MTHFSD: variants seen among roughly 807,000 people sequenced by gnomAD.
MTHFSD encodes methenyltetrahydrofolate synthase domain-containing protein.
Under a neutral mutation model 31.1 loss-of-function variants are expected in MTHFSD, and 37 were observed. The ratio of observed to expected loss-of-function variants is 1.19; its 90% CI spans 0.91 to 1.56. The LOEUF is 1.56. Ranked by LOEUF, MTHFSD falls within the 40% of genes most tolerant of loss-of-function variation. MTHFSD has a pLI of 0.00. For synonymous variants in MTHFSD, 221 were observed against 206.9 expected (o/e 1.07, Z -0.59); for missense variants, 664 against 510.1 (o/e 1.30, Z -2.91).
chr16:86,541,011 T>C (rs541427014), intron 7 of MTHFSD: 1 of 1,172,038 alleles, frequency 8.5e-7, no homozygotes, highest in African/African-American at 1.6e-5. Context: ...GTGAATGATT[T>C]GGGATTAAAG....
Position 86,531,808 on chromosome 16 carries a change from A to C in MTHFSD, c.*203T>G. 2.4e-6 allele frequency: 1 copy of C among 420,944 alleles called. No homozygotes were observed. Among genetic ancestry groups the C allele is most frequent in the South Asian group, 7.2e-5 (1 of 13,846 alleles). The allele number at this position is 420,944 out of a possible 1,614,324, so 26.1% of individuals were successfully genotyped here. ...GGCTGCAGTCTCTGCGCGCTGTGAG[A>C]TGAACCGCAGGGCGGCTTCCCCACT... On this transcript the variant is annotated 3_prime_UTR_variant, in exon 8 of 8. Coordinates refer to ENST00000360900, the MANE Select transcript of MTHFSD (RefSeq NM_001159377.2). This position sits in a 1 kb window ranked among gnomAD's most constrained non-coding sequence, Gnocchi z 5.5.
chr16:86,542,245 G>A lies in MTHFSD; in HGVS notation c.443-32C>T. 1 of 1,561,552 alleles carries A rather than the reference G, an allele frequency of 6.4e-7. No individual in the cohort carries two copies. The highest frequency in any genetic ancestry group is 8.8e-7 in the Non-Finnish European group (1 of 1,138,824). Reference sequence around the variant, plus strand: ...GACAACCGAGAATCAGTATCGCTGTGCGGTCCGGGGCATCGCTGAGAAGTG... The same window carrying A: ...GACAACCGAGAATCAGTATCGCTGTACGGTCCGGGGCATCGCTGAGAAGTG... On this transcript the variant is annotated intron_variant, in intron 5 of 7. Coordinates refer to ENST00000360900, the MANE Select transcript of MTHFSD (RefSeq NM_001159377.2). This position sits in a 1 kb window ranked among gnomAD's most constrained non-coding sequence, Gnocchi z 4.6.
At position 86,542,503 on chromosome 16, in the gene MTHFSD, T is replaced by A. The variant is rs1292165038; in HGVS notation, c.443-290A>T. 3.0e-6 allele frequency: 1 copy of A among 337,402 alleles called. No individual in the cohort carries two copies. Among genetic ancestry groups the A allele is most frequent in the African/African-American group, 2.1e-5 (1 of 46,902 alleles). 20.9% of individuals were successfully genotyped at this position (337,402 alleles called of 1,614,324 possible). On this transcript the variant is annotated intron_variant, in intron 5 of 7. Transcript: ENST00000360900. The surrounding 1 kb of genome is among the most constrained non-coding windows in gnomAD (Gnocchi z 4.6). ...CAAAGGGAAACAGATCACACTCATG[T>A]CAGCTTTATGTTAGCAAGACTCATA... is the stretch of plus-strand genomic sequence containing the variant.
At chr16:86,537,991 G>A (rs183952692) in intron 7 of MTHFSD, among the ~76,000 whole-genome samples, 145 of 152,330 alleles carry the variant, frequency 9.5e-4, no homozygotes, top group South Asian at 3.5e-3. Flanking sequence ...AGCACAGGAC[G>A]GGTGAGAAGA....
chr16:86,551,993 G>C, intron 3 of MTHFSD, 40 bp downstream of exon 3: 2 of 1,612,276 alleles, frequency 1.2e-6, no homozygotes, highest in African/African-American at 2.7e-5. Flanking sequence ...TGTCCCCCTT[G>C]GCGGCCAGGT....
chr16:86,550,762 A>C (rs1387985060), intron 3 of MTHFSD, among the ~76,000 whole-genome samples: 3 of 152,208 alleles, frequency 2.0e-5, no homozygotes, highest in Non-Finnish European at 4.4e-5. Context: ...AACTGGGAAA[A>C]TAAGGCTGAC....
rs1243695464 is a variant in MTHFSD, at chr16:86,541,819, C to T, written c.559G>A (p.Val187Met). The change falls in exon 7 of 8, where the codon GTG becomes ATG. Residue 187 changes from valine to methionine, a missense_variant. Val to Met is a conservative substitution (Grantham distance 21, BLOSUM62 1). Transcript: ENST00000360900. Reference protein sequence around the residue: ...VVTIVHDCQVVDIPEELVEEH... With the variant: ...VVTIVHDCQVMDIPEELVEEH... Reference sequence around the variant, plus strand: ...TCAACAAGCTCTTCAGGGATGTCCACGACCTGGGGGAAGAGAGGAGGGATA... The same window carrying T: ...TCAACAAGCTCTTCAGGGATGTCCATGACCTGGGGGAAGAGAGGAGGGATA... The T allele has an allele frequency of 1.5e-5, 24 of 1,613,880 alleles. No homozygotes were observed. The highest frequency in any genetic ancestry group is 2.2e-5 in the South Asian group (2 of 91,056).
intron 3 of MTHFSD, among the ~76,000 whole-genome samples, chr16:86,551,584 C>T (rs144800259): frequency 2.1e-3 from 317 of 152,266 alleles, no homozygotes; most frequent in African/African-American, 7.2e-3. Context: ...AGTTCTTAAC[C>T]GTGGTCTTTA....
At chr16:86,544,413 G>A (rs1429205860) in intron 5 of MTHFSD, among the ~76,000 whole-genome samples, 1 of 152,072 alleles carries the variant, frequency 6.6e-6, no homozygotes, top group Non-Finnish European at 1.5e-5. Flanking sequence ...ATAAAAAGTG[G>A]GCAAAGGGCA....
rs1970073039 is a variant in MTHFSD, at chr16:86,532,263, C to A, written c.900G>T (p.Glu300Asp). The change falls in exon 8 of 8, where the codon GAG becomes GAT. Residue 300 changes from glutamate (E) to aspartate (D), a missense_variant. Coordinates refer to ENST00000360900, the MANE Select transcript of MTHFSD (RefSeq NM_001159377.2). ...AAACATCGGCTGCAAGCGGGGCACC[C>A]TCCCCTGGTGGGGAGCCAGGGGCTG... ...MEAAPGSPPGEGAPLAADVYV... is the reference protein window; with the variant it reads ...MEAAPGSPPGDGAPLAADVYV... 6.4e-7 allele frequency: 1 copy of A among 1,567,504 alleles called. No homozygotes were observed. The highest frequency in any genetic ancestry group is 8.6e-7 in the Non-Finnish European group (1 of 1,158,930).
intron 3 of MTHFSD, among the ~76,000 whole-genome samples, chr16:86,549,098 T>C (rs1972757775): frequency 6.6e-6 from 1 of 152,252 alleles, no homozygotes. Flanking sequence ...TACGTGCCAA[T>C]AGCCCTTGAC....
chr16:86,552,264 G>A, intron 2 of MTHFSD, 118 bp from the exon 3 acceptor site: 2 of 1,601,996 alleles, frequency 1.2e-6, no homozygotes, highest in Non-Finnish European at 1.7e-6. Flanking sequence ...CTGCAAGCGT[G>A]GGAGTTGCTC....
At chr16:86,547,608 C>T in intron 4 of MTHFSD, 1 of 950,942 alleles carries the variant, frequency 1.1e-6, no homozygotes, top group Non-Finnish European at 1.3e-6. Context: ...GAATGCTGAC[C>T]ATCACCATGC....
chr16:86,540,987 G>A, intron 7 of MTHFSD: 1 of 1,172,790 alleles, frequency 8.5e-7, no homozygotes, highest in Non-Finnish European at 1.1e-6. Context: ...ATGCCCAAAG[G>A]AGGGATTCAA....
At chr16:86,533,168 G>A (rs1163843786) in intron 7 of MTHFSD, 1 of 152,248 alleles carries the variant, frequency 6.6e-6, no homozygotes, top group African/African-American at 2.4e-5. Flanking sequence ...GCAGACAAAG[G>A]ACATCTTTGG....
intron 5 of MTHFSD, among the ~76,000 whole-genome samples, chr16:86,543,935 G>A (rs1157642043): frequency 6.6e-6 from 1 of 152,184 alleles, no homozygotes; most frequent in African/African-American, 2.4e-5. Context: ...TATGAATGGT[G>A]CATGCCAGGG....
chr16:86,548,036 T>C (rs1972584027), intron 4 of MTHFSD: 1 of 1,289,232 alleles, frequency 7.8e-7, no homozygotes, highest in Non-Finnish European at 1.0e-6. Flanking sequence ...ATTACTCACT[T>C]AGAACTGGTG....
Position 86,555,173 on chromosome 16 carries a change from C to T in MTHFSD, c.12G>A (p.Arg4=), listed in dbSNP as rs1403224069. The change falls in exon 1 of 8, where the codon AGG becomes AGA. Residue 4 remains arginine (R), a synonymous_variant. Transcript: ENST00000360900. Reference sequence around the variant, plus strand: ...GAGCCCCGCCAGGCCCCCCACCTGCCCTCGGCTCCATGGTGATGCAGTCGC... The same window carrying T: ...GAGCCCCGCCAGGCCCCCCACCTGCTCTCGGCTCCATGGTGATGCAGTCGC... MEP[R]AVGVSKQDIR... The T allele has an allele frequency of 2.6e-6, 4 of 1,537,038 alleles. No homozygotes were observed. The highest frequency in any genetic ancestry group is 2.4e-5 in the South Asian group (2 of 84,078).
chr16:86,536,681 C>T (rs1201060533), intron 7 of MTHFSD, among the ~76,000 whole-genome samples: 1 of 152,242 alleles, frequency 6.6e-6, no homozygotes, highest in Non-Finnish European at 1.5e-5. Flanking sequence ...TTTCTGTTTC[C>T]TGGTATACAT....
Sources: gnomAD v4.1 joint callset for allele counts (sites outside exome capture counted in the v4.1 genomes callset) on GRCh38, gnomAD v4.1.1 for gene constraint, Gnocchi (gnomAD v3.1) non-coding constraint, MANE v1.5 for transcripts, NCBI Gene and HGNC (gene_info 2026-07-23, HGNC 2026-07-21) for gene names.